The following IQSEC1 variants were observed in gnomAD, a reference collection of about 807,000 sequenced individuals.
The protein encoded by IQSEC1 is IQ motif and Sec7 domain ArfGEF 1.
IQSEC1 carries 31 observed loss-of-function variants against 91.0 expected under a neutral mutation model. The ratio of observed to expected loss-of-function variants is 0.34; its 90% CI spans 0.26 to 0.46. The LOEUF is 0.46. IQSEC1 is among the 20% of genes least tolerant of loss of function. The pLI is 1.00. For missense variants in IQSEC1, 1,388 were observed against 1,575.6 expected, an observed-to-expected ratio of 0.88 and a Z score of 2.02; for synonymous variants, 699 against 662.6, an observed-to-expected ratio of 1.05 and a Z score of -0.84.
In IQSEC1 at chr3:13,212,252, G is replaced by A. The variant is rs1694460618; in HGVS notation, c.273-48119C>T. 2.0e-5 allele frequency among the ~76,000 whole-genome samples: 3 copies of A among 152,182 alleles called. No individual in the cohort carries two copies. In the South Asian group the frequency reaches 6.2e-4, roughly 31 times the overall value. On this transcript the variant is annotated intron_variant, in intron 1 of 15. Coordinates refer to the IQSEC1 transcript ENST00000648114. ...CTGTCTCTACAGTTTTCTCTATTCT[G>A]GACATTTCATATAAATGGAATTGTA... is the stretch of plus-strand genomic sequence containing the variant.
intron 6 of IQSEC1, among the ~76,000 whole-genome samples, chr3:12,916,770 G>A (rs977651500): frequency 6.6e-6 from 1 of 152,248 alleles, no homozygotes; most frequent in Non-Finnish European, 1.5e-5. Context: ...TAACAGGGGA[G>A]TGCTCAATCA....
At chr3:13,055,015 G>C (rs1704823927) in intron 1 of IQSEC1, among the ~76,000 whole-genome samples, 1 of 152,326 alleles carries the variant, frequency 6.6e-6, no homozygotes. Flanking sequence ...GGCCTCCCAA[G>C]CCCTCAGAAG....
At chr3:13,166,906 C>T (rs1683333454) in intron 1 of IQSEC1, among the ~76,000 whole-genome samples, 1 of 152,236 alleles carries the variant, frequency 6.6e-6, no homozygotes, top group Non-Finnish European at 1.5e-5. Context: ...GCAGAGGATG[C>T]CCTGGAGCCC....
In IQSEC1 at chr3:12,906,975, C is replaced by G. The variant is rs59996572; in HGVS notation, c.2755+1374G>C. On this transcript the variant is annotated intron_variant, in intron 12 of 13. Coordinates refer to ENST00000613206, the MANE Select transcript of IQSEC1 (RefSeq NM_001134382.3). ...GGTTCTCAACCAGGGATGATTCTGTCCCCCAGGGGATACCTGGCAATTTCT... is the reference window on the plus strand; with the variant it reads ...GGTTCTCAACCAGGGATGATTCTGTGCCCCAGGGGATACCTGGCAATTTCT... Among the ~76,000 whole-genome samples, 498 of 152,300 alleles carry G rather than the reference C, an allele frequency of 3.3e-3. 3 individuals carry two copies. The highest frequency in any genetic ancestry group is 0.011 in the African/African-American group (470 of 41,560).
chr3:13,097,218 C>T (rs780476982), intron 2 of IQSEC1, among the ~76,000 whole-genome samples: 2 of 152,182 alleles, frequency 1.3e-5, no homozygotes, highest in African/African-American at 2.4e-5. Flanking sequence ...GGGAAGCGAT[C>T]GCCCCTGGTT....
chr3:13,206,301 C>T lies in IQSEC1; in HGVS notation c.273-42168G>A, dbSNP rs115647904. Among the ~76,000 whole-genome samples, 728 of 152,256 alleles carry T rather than the reference C, an allele frequency of 4.8e-3. 6 individuals are homozygous for T. The highest frequency in any genetic ancestry group is 0.014 in the African/African-American group (586 of 41,546). On this transcript the variant is annotated intron_variant, in intron 1 of 15. Coordinates refer to the IQSEC1 transcript ENST00000648114. ...ATCTACTAGGGGTTGAAACACATCC[C>T]CCTTGGATAAGGTGGGGTGGGGGGC...
At chr3:13,149,111 G>C (rs1347317670) in intron 2 of IQSEC1, among the ~76,000 whole-genome samples, 5 of 152,326 alleles carry the variant, frequency 3.3e-5, no homozygotes, top group South Asian at 2.1e-4. Context: ...CGCCATGCTG[G>C]GGGTTGGATT....
At chr3:13,021,925 C>T in intron 1 of IQSEC1, 1 of 674,666 alleles carries the variant, frequency 1.5e-6, no homozygotes, top group Non-Finnish European at 2.1e-6. Context: ...CTGAAAGTTG[C>T]TCCAGCTCCC....
chr3:12,989,198 C>T (rs533435690), intron 1 of IQSEC1, among the ~76,000 whole-genome samples: 130 of 152,302 alleles, frequency 8.5e-4, no homozygotes, highest in African/African-American at 2.8e-3. Flanking sequence ...TAAAAGCTCC[C>T]GGAGGGCATG....
At chr3:12,911,199 G>A (rs1482071098) in intron 10 of IQSEC1, among the ~76,000 whole-genome samples, 1 of 152,224 alleles carries the variant, frequency 6.6e-6, no homozygotes, top group African/African-American at 2.4e-5. Flanking sequence ...CACAGCAGTT[G>A]AGCCAGAGCT....
At chr3:13,239,860 C>T (rs986196141) in intron 1 of IQSEC1, among the ~76,000 whole-genome samples, 14 of 152,088 alleles carry the variant, frequency 9.2e-5, no homozygotes, top group Non-Finnish European at 4.4e-5. Context: ...TGGATGGGGG[C>T]CCCGAGGGGC....
chr3:13,270,102 G>A lies in IQSEC1; in HGVS notation c.272+12609C>T, dbSNP rs112639184. 9.2e-3 allele frequency among the ~76,000 whole-genome samples: 1,400 copies of A among 152,304 alleles called. 27 individuals are homozygous for A. The highest frequency in any genetic ancestry group is 0.032 in the African/African-American group (1,322 of 41,554). ...ACAAGGTGCCGGATGTGTGAGTGAA[G>A]TCGTTTTGGACCCTCCAGATCAGCC... On this transcript the variant is annotated intron_variant, in intron 1 of 15. Coordinates refer to the IQSEC1 transcript ENST00000648114.
At chr3:13,217,009 G>T (rs1265663402) in intron 1 of IQSEC1, among the ~76,000 whole-genome samples, 1 of 152,076 alleles carries the variant, frequency 6.6e-6, no homozygotes, top group African/African-American at 2.4e-5. Flanking sequence ...GGTGACAAAG[G>T]ATTTGCCATG....
intron 1 of IQSEC1, among the ~76,000 whole-genome samples, chr3:12,998,579 A>G (rs1702306063): frequency 6.6e-6 from 1 of 152,174 alleles, no homozygotes; most frequent in African/African-American, 2.4e-5. Flanking sequence ...TGAGGCCAAG[A>G]GTTCAAGAGC....
intron 1 of IQSEC1, among the ~76,000 whole-genome samples, chr3:13,170,325 G>A (rs1016820264): frequency 2.0e-5 from 3 of 152,392 alleles, no homozygotes; most frequent in South Asian, 2.1e-4. Flanking sequence ...GTATGGAAAC[G>A]CATGGATGCC....
intron 2 of IQSEC1, among the ~76,000 whole-genome samples, chr3:13,084,408 GTTCA>G (rs1705701579): frequency 6.6e-6 from 1 of 152,180 alleles, no homozygotes; most frequent in African/African-American, 2.4e-5. Flanking sequence ...GGGGTAGCCT[GTTCA>G]TTCATTCATC....
At chr3:13,011,832 G>T (rs1429225944) in intron 1 of IQSEC1, among the ~76,000 whole-genome samples, 1 of 152,178 alleles carries the variant, frequency 6.6e-6, no homozygotes, top group East Asian at 1.9e-4. Context: ...TTTGAATATG[G>T]TGACTTCCCC....
chr3:13,027,927 A>T (rs960941106), intron 1 of IQSEC1, among the ~76,000 whole-genome samples: 17 of 152,212 alleles, frequency 1.1e-4, no homozygotes, highest in Non-Finnish European at 2.9e-5. Flanking sequence ...TATGTAGGTT[A>T]ATCCTATGCA....
At chr3:13,030,592 C>A (rs1314551868) in intron 1 of IQSEC1, among the ~76,000 whole-genome samples, 1 of 152,194 alleles carries the variant, frequency 6.6e-6, no homozygotes, top group Non-Finnish European at 1.5e-5. Flanking sequence ...CAGCCTAATC[C>A]TGAATGTGGG....
Sources: allele counts gnomAD v4.1 joint callset (sites outside exome capture counted in the v4.1 genomes callset), GRCh38; gene constraint gnomAD v4.1.1; transcripts MANE v1.5; gene names NCBI Gene and HGNC (gene_info 2026-07-23, HGNC 2026-07-21).